Variants in FANCM observed in about 807,000 individuals in gnomAD.
FANCM encodes the protein Fanconi anemia group M protein.
A neutral mutation model predicts 199.5 loss-of-function variants in FANCM; 140 were observed. The ratio of observed to expected loss-of-function variants is 0.70; its 90% CI spans 0.61 to 0.81. The LOEUF is 0.81. FANCM is among the 30% of genes least tolerant of loss of function. FANCM has a pLI of 0.00. For missense variants in FANCM, 2,410 were observed against 2,421.4 expected (o/e 1.00, Z 0.10); for synonymous variants, 840 against 836.8 (o/e 1.00, Z -0.07).
rs1890203908 is a variant in FANCM at position 45,198,686 on chromosome 14, G to A, written c.5759G>A (p.Ser1920Asn). Residue 1920 changes from serine (S) to asparagine (N), a missense_variant, in exon 22 of 23, where the codon AGC becomes AAC. Ser to Asn is a conservative substitution (Grantham distance 46). Transcript: ENST00000267430. Reference protein sequence around the residue: ...RMFRRTKSYDSLLTTLIGAGI... With the variant: ...RMFRRTKSYDNLLTTLIGAGI... Reference sequence around the variant, plus strand: ...TTTAGGAGAACAAAGAGCTATGACAGCCTGCTGACTACCTTAATTGGCGCT... The same window carrying A: ...TTTAGGAGAACAAAGAGCTATGACAACCTGCTGACTACCTTAATTGGCGCT... The A allele has an allele frequency of 6.2e-7, 1 of 1,613,602 alleles. No individual in the cohort carries two copies. Among genetic ancestry groups the A allele is most frequent in the Non-Finnish European group, 8.5e-7 (1 of 1,179,598 alleles).
In FANCM at chr14:45,176,661, C is replaced by A. The variant is rs369549739; in HGVS notation, c.3907C>A (p.Gln1303Lys). Residue 1303 changes from glutamine to lysine, a missense_variant, in exon 14 of 23, where the codon CAG becomes AAG. Gln to Lys is a moderately conservative substitution (Grantham distance 53). Transcript: ENST00000267430. ...TATTATCCCATCAAATGAAGATATG[C>A]AGAATCCAAATTATGTACATTTGCC... ...TVIIPSNEDM[Q>K]NPNYVHLPLS... 1.7e-5 allele frequency: 28 copies of A among 1,613,470 alleles called. No individual in the cohort carries two copies. Among genetic ancestry groups the A allele is most frequent in the Non-Finnish European group, 2.4e-5 (28 of 1,179,772 alleles).
intron 4 of FANCM, 57 bp from the exon 5 acceptor site, chr14:45,151,340 T>A (rs533497727): frequency 7.0e-7 from 1 of 1,430,114 alleles, no homozygotes. Context: ...AGAAAATGAT[T>A]GTACTTGAAA....
intron 10 of FANCM, 56 bp from the exon 11 acceptor site, chr14:45,166,894 A>T: frequency 9.9e-7 from 1 of 1,005,650 alleles, no homozygotes; most frequent in Non-Finnish European, 1.6e-6. Flanking sequence ...CTTGTTATGG[A>T]TAAATTGTTA....
intron 21 of FANCM, among the ~76,000 whole-genome samples, chr14:45,197,628 C>G (rs1890137134): frequency 6.6e-6 from 1 of 151,708 alleles, no homozygotes; most frequent in African/African-American, 2.4e-5. Flanking sequence ...CCATGCCCAG[C>G]TAATTTTTGT....
intron 9 of FANCM, among the ~76,000 whole-genome samples, chr14:45,163,416 C>A (rs1240282401): frequency 1.3e-5 from 2 of 152,222 alleles, no homozygotes; most frequent in African/African-American, 2.4e-5. Context: ...ACCACCTCCA[C>A]CACTCCACTG....
At chr14:45,165,791 T>C (rs1297858954) in intron 10 of FANCM, among the ~76,000 whole-genome samples, 1 of 152,108 alleles carries the variant, frequency 6.6e-6, no homozygotes, top group East Asian at 1.9e-4. Context: ...ACTTGTTAGG[T>C]TTCTTATCTG....
At chr14:45,146,854 A>T (rs77946842) in intron 3 of FANCM, among the ~76,000 whole-genome samples, 1 of 150,338 alleles carries the variant, frequency 6.7e-6, no homozygotes, top group Admixed American at 6.6e-5. Context: ...AAAAAAAAAA[A>T]AAAAGTCATC....
chr14:45,142,133 T>C (rs1411108079), intron 3 of FANCM, among the ~76,000 whole-genome samples: 1 of 152,000 alleles, frequency 6.6e-6, no homozygotes, highest in Non-Finnish European at 1.5e-5. Flanking sequence ...CATAATAAAA[T>C]TATCAAAGCC....
At chr14:45,166,137 A>C (rs1387533436) in intron 10 of FANCM, among the ~76,000 whole-genome samples, 2 of 151,530 alleles carry the variant, frequency 1.3e-5, no homozygotes, top group Non-Finnish European at 2.9e-5. Context: ...TTTTTAAAAA[A>C]AAAAAAACAA....
chr14:45,162,123 C>A (rs552174726), intron 9 of FANCM, among the ~76,000 whole-genome samples: 5 of 152,166 alleles, frequency 3.3e-5, no homozygotes, highest in Admixed American at 1.3e-4. Flanking sequence ...TGGTGGCTCA[C>A]GCCTATATTC....
rs78211950 is a variant in FANCM at position 45,181,697 on chromosome 14, A to G, written c.4378A>G (p.Ile1460Val). 0.1 allele frequency: 165,851 copies of G among 1,601,576 alleles called. 9,716 individuals carry two copies. Among genetic ancestry groups the G allele is most frequent in the South Asian group, 0.18 (16,690 of 90,642 alleles). Reference sequence around the variant, plus strand: ...TGCTGTCAAAAAGCGCAGATTTCCTATAAACAGAGTAAGTAAATACCAGGT... The same window carrying G: ...TGCTGTCAAAAAGCGCAGATTTCCTGTAAACAGAGTAAGTAAATACCAGGT... ...LHAVKKRRFPINRSELSSSDE... is the reference protein window; with the variant it reads ...LHAVKKRRFPVNRSELSSSDE... Residue 1460 changes from isoleucine to valine, a missense_variant, in exon 16 of 23, where the codon ATA (isoleucine) becomes GTA (valine). Physicochemically the swap from Ile to Val is conservative, Grantham distance 29. Coordinates refer to ENST00000267430, the MANE Select transcript of FANCM (RefSeq NM_020937.4).
At position 45,136,233 on chromosome 14, in the gene FANCM, T is replaced by C. The variant is rs962368644; in HGVS notation, c.202T>C (p.Leu68=). Residue 68 remains leucine (L), a synonymous_variant, in exon 1 of 23, where the codon TTG becomes CTG. Coordinates refer to ENST00000267430, the MANE Select transcript of FANCM (RefSeq NM_020937.4). The part of the protein sequence containing the change: ...LVAAYEAERQ[L]CLENGGFCTS... The stretch of plus-strand genomic sequence containing the variant: ...CGCGGCGTACGAGGCTGAGCGGCAG[T>C]TGTGTCTAGAGAATGGCGGGTTCTG... The C allele has an allele frequency of 8.7e-6, 14 of 1,614,058 alleles. No homozygotes were observed. The highest frequency in any genetic ancestry group is 1.2e-5 in the Non-Finnish European group (14 of 1,180,010).
chr14:45,197,216 T>C (rs1890107632), intron 21 of FANCM, among the ~76,000 whole-genome samples: 1 of 152,174 alleles, frequency 6.6e-6, no homozygotes, highest in African/African-American at 2.4e-5. Context: ...TGATATTGCA[T>C]TGACAAATCA....
Position 45,180,994 on chromosome 14 carries a change from G to T in FANCM, c.4223-436G>T, listed in dbSNP as rs139509218. On this transcript the variant is annotated intron_variant, in intron 14 of 22. Transcript: ENST00000267430. ...ATATGGAAAACACATATATAACAAA[G>T]AATCTTTTAATATATTGTTTTGTAG... The T allele has an allele frequency of 1.1e-4, 19 of 179,802 alleles. 1 individual carries two copies. In the East Asian group the frequency reaches 2.4e-3, roughly 23 times the overall value. The allele number at this position is 179,802 out of a possible 1,614,324, so 11.1% of individuals were successfully genotyped here.
chr14:45,145,582 A>G (rs964506349), intron 3 of FANCM, among the ~76,000 whole-genome samples: 4 of 152,086 alleles, frequency 2.6e-5, no homozygotes, highest in African/African-American at 9.7e-5. Flanking sequence ...CTTTCTCCAC[A>G]CCACAGGGCC....
At chr14:45,172,833 A>G (rs971782487) in intron 12 of FANCM, among the ~76,000 whole-genome samples, 9 of 152,188 alleles carry the variant, frequency 5.9e-5, no homozygotes, top group Non-Finnish European at 8.8e-5. Flanking sequence ...GAATATTGTC[A>G]ACTTGTAAGT....
chr14:45,158,316 C>T (rs1281396696), intron 8 of FANCM, among the ~76,000 whole-genome samples: 2 of 152,200 alleles, frequency 1.3e-5, no homozygotes, highest in African/African-American at 2.4e-5. Context: ...TATGAAGAAA[C>T]TAAAGCTTAA....
rs890879669 is a variant in FANCM, at chr14:45,147,906, C to G, written c.760-931C>G. 7.1e-4 allele frequency among the ~76,000 whole-genome samples: 102 copies of G among 143,512 alleles called. 3 individuals carry two copies. The South Asian group carries it at 0.016, about 23-fold the overall frequency. 94.1% of individuals were successfully genotyped at this position (143,512 alleles called of 152,430 possible). On this transcript the variant is annotated intron_variant, in intron 3 of 22. Transcript: ENST00000267430. ...AGGGAGGTTCCAAACCGCCCCCCCCCCAAAAAAAAAGCCGGGCGTGATGCC... is the reference window on the plus strand; with the variant it reads ...AGGGAGGTTCCAAACCGCCCCCCCCGCAAAAAAAAAGCCGGGCGTGATGCC...
At chr14:45,182,127 A>T (rs970982912) in intron 16 of FANCM, among the ~76,000 whole-genome samples, 2 of 152,222 alleles carry the variant, frequency 1.3e-5, no homozygotes, top group African/African-American at 4.8e-5. Context: ...GAGTGATAAG[A>T]AAAGTTAAGC....
Sources: allele counts gnomAD v4.1 joint callset (sites outside exome capture counted in the v4.1 genomes callset), GRCh38; gene constraint gnomAD v4.1.1; transcripts MANE v1.5; gene names NCBI Gene and HGNC (gene_info 2026-07-23, HGNC 2026-07-21).